Variants in WDR6 observed in about 807,000 individuals in gnomAD.
WDR6 encodes the protein WD repeat domain 6.
Under a neutral mutation model 85.6 loss-of-function variants are expected in WDR6, and 58 were observed. That is an observed-to-expected ratio of 0.68 (90% confidence interval 0.55 to 0.84). The LOEUF is 0.84. Among genes scored for constraint, WDR6 ranks in the 40% least tolerant of loss-of-function variants. The probability of loss-of-function intolerance (pLI) is 0.00; values close to 1 mark genes in which losing one functional copy is unlikely to be tolerated. For missense variants in WDR6, 1,310 were observed against 1,476.4 expected (o/e 0.89, Z 1.85); for synonymous variants, 569 against 582.2 (o/e 0.98, Z 0.33).
At position 49,013,991 on chromosome 3, in the gene WDR6, T is replaced by C. The variant is rs1383208897; in HGVS notation, c.2457T>C (p.Thr819=). 6.2e-7 allele frequency: 1 copy of C among 1,611,590 alleles called. No homozygotes were observed. Residue 819 remains threonine (T), a synonymous_variant, in exon 2 of 6, where the codon ACT becomes ACC. Coordinates refer to ENST00000608424, the MANE Select transcript of WDR6 (RefSeq NM_018031.6). This position sits in a 1 kb window ranked among gnomAD's most constrained non-coding sequence, Gnocchi z 4.6. The part of the protein sequence containing the change: ...AEMHCFSIMV[T]PDPSTPSRLA... ...TGCACTGCTTCAGCATCATGGTTAC[T>C]CCGGACCCCAGCACCCCAAGCCGCC...
chr3:49,014,202 C>G lies in WDR6; in HGVS notation c.2583-8C>G, dbSNP rs767217579. On this transcript the variant is annotated splice_polypyrimidine_tract_variant and splice_region_variant and intron_variant, in intron 2 of 5. Transcript: ENST00000608424. The surrounding 1 kb of genome is among the most constrained non-coding windows in gnomAD (Gnocchi z 4.9). ...GCTCCACCTGACAGCTGCATGTTGT[C>G]TCTGCAGGTACATGTCCCTTGCTGT... is the stretch of plus-strand genomic sequence containing the variant. 3.7e-6 allele frequency: 6 copies of G among 1,614,154 alleles called. No individual in the cohort carries two copies. The African/African-American group carries it at 5.3e-5, about 14-fold the overall frequency.
Position 49,012,007 on chromosome 3 carries a change from G to C in WDR6, c.473G>C (p.Cys158Ser). 1 of 1,614,210 alleles carries C rather than the reference G, an allele frequency of 6.2e-7. No individual in the cohort carries two copies. The highest frequency in any genetic ancestry group is 8.5e-7 in the Non-Finnish European group (1 of 1,180,038). Residue 158 changes from cysteine to serine, a missense_variant, in exon 2 of 6, where the codon TGC becomes TCC. Transcript: ENST00000608424. This position sits in a 1 kb window ranked among gnomAD's most constrained non-coding sequence, Gnocchi z 4.4. ...ILQEVPCTDR[C>S]TLSSACLIGD... ...CAAGAGGTGCCCTGCACAGACAGGT[G>C]CACCCTCTCTTCAGCCTGCCTGATT...
chr3:49,007,583 C>T lies in WDR6; in HGVS notation c.100+52C>T. On this transcript the variant is annotated intron_variant, in intron 1 of 5. Coordinates refer to ENST00000608424, the MANE Select transcript of WDR6 (RefSeq NM_018031.6). The surrounding 1 kb of genome is among the most constrained non-coding windows in gnomAD (Gnocchi z 5.1). ...GTGGAAAGGGGGAAAGAAACAGCGC[C>T]TCCCAGGGGCGGTGCCACAGGGACA... 6.5e-7 allele frequency: 1 copy of T among 1,537,404 alleles called. No homozygotes were observed. Among genetic ancestry groups the T allele is most frequent in the Non-Finnish European group, 8.8e-7 (1 of 1,134,836 alleles).
chr3:49,007,648 G>A lies in WDR6; in HGVS notation c.100+117G>A. ...AGGAGAAGGACGGGCAGCAGGTTGA[G>A]GCCGATCGGAGGTGGGAAGGGAGCC... On this transcript the variant is annotated intron_variant, in intron 1 of 5. Transcript: ENST00000608424. The surrounding 1 kb of genome is among the most constrained non-coding windows in gnomAD (Gnocchi z 5.1). 7.3e-7 allele frequency: 1 copy of A among 1,373,744 alleles called. No individual in the cohort carries two copies. Among genetic ancestry groups the A allele is most frequent in the Non-Finnish European group, 9.5e-7 (1 of 1,056,998 alleles). 85.1% of individuals were successfully genotyped at this position (1,373,744 alleles called of 1,614,324 possible). A position where few individuals can be genotyped will look rare whatever the true frequency, so the allele number is the denominator to read the frequency against.
At chr3:49,011,286 C>A in intron 1 of WDR6, 1 of 450,450 alleles carries the variant, frequency 2.2e-6, no homozygotes, top group Non-Finnish European at 3.9e-6. Context: ...ACCTTGTTGG[C>A]CAGGCTAGTC....
intron 1 of WDR6, among the ~76,000 whole-genome samples, chr3:49,009,598 A>G (rs2093003937): frequency 6.6e-6 from 1 of 152,150 alleles, no homozygotes; most frequent in African/African-American, 2.4e-5. Flanking sequence ...AGACAGCCGT[A>G]CGTGTCTCCA....
At position 49,015,317 on chromosome 3, in the gene WDR6, C is replaced by T. The variant is rs2106709379; in HGVS notation, c.*29C>T. On this transcript the variant is annotated 3_prime_UTR_variant, in exon 6 of 6. Coordinates refer to ENST00000608424, the MANE Select transcript of WDR6 (RefSeq NM_018031.6). ...ATCCTGCGGTGGCTGGCGTGCTGGG[C>T]ATGGGGCCTGCTCACAGACAGCATG... 4 of 1,597,370 alleles carry T rather than the reference C, an allele frequency of 2.5e-6. No individual in the cohort carries two copies. Among genetic ancestry groups the T allele is most frequent in the Non-Finnish European group, 3.4e-6 (4 of 1,175,362 alleles).
rs991925240 is a variant in WDR6 at position 49,014,654 on chromosome 3, C to T, written c.2838C>T (p.Leu946=). Residue 946 remains leucine (L), a synonymous_variant, in exon 5 of 6, where the codon CTC becomes CTT. Transcript: ENST00000608424. The surrounding 1 kb of genome is among the most constrained non-coding windows in gnomAD (Gnocchi z 4.9). The stretch of plus-strand genomic sequence containing the variant: ...ATGGCAGCCTGGCTTTCTGGGATCT[C>T]ACCACCATGCTAGACCATGACTCCA... ...ATDGSLAFWD[L]TTMLDHDSTV... is the part of the protein sequence containing the mutation. 3.7e-6 allele frequency: 6 copies of T among 1,613,678 alleles called. No homozygotes were observed. The highest frequency in any genetic ancestry group is 2.7e-5 in the African/African-American group (2 of 75,034).
In WDR6 at chr3:49,013,620, C is replaced by T. The variant is rs950785847; in HGVS notation, c.2086C>T (p.Arg696Trp). 2.2e-5 allele frequency: 35 copies of T among 1,613,968 alleles called. No homozygotes were observed. Among genetic ancestry groups the T allele is most frequent in the African/African-American group, 2.7e-5 (2 of 74,884 alleles). ...GGCTRPHVIL[R>W]EGLHGREITC... ...CTGCACCCGGCCACACGTGATTCTC[C>T]GGGAGGGTCTGCATGGCCGTGAGAT... is the stretch of plus-strand genomic sequence containing the variant. The change falls in exon 2 of 6, where the codon CGG becomes TGG. Residue 696 changes from arginine (R) to tryptophan (W), a missense_variant. Physicochemically the swap from Arg to Trp is moderately radical, Grantham distance 101. Coordinates refer to ENST00000608424, the MANE Select transcript of WDR6 (RefSeq NM_018031.6). This position sits in a 1 kb window ranked among gnomAD's most constrained non-coding sequence, Gnocchi z 4.6.
Position 49,013,698 on chromosome 3 carries a change from C to T in WDR6, c.2164C>T (p.Pro722Ser). The change falls in exon 2 of 6, where the codon CCC (proline) becomes TCC (serine). Residue 722 changes from proline to serine, a missense_variant. Transcript: ENST00000608424. This position sits in a 1 kb window ranked among gnomAD's most constrained non-coding sequence, Gnocchi z 4.6. ...TACCCTGGGGCCTGAATATGGAGTG[C>T]CCAGCTTCATGCAGCCTGATGACCT... The part of the protein sequence containing the change: ...TITLGPEYGV[P>S]SFMQPDDLEP... The T allele has an allele frequency of 6.2e-7, 1 of 1,614,048 alleles. No individual in the cohort carries two copies. Among genetic ancestry groups the T allele is most frequent in the Non-Finnish European group, 8.5e-7 (1 of 1,179,960 alleles).
rs746214453 is a variant in WDR6, at chr3:49,013,179, G to C, written c.1645G>C (p.Gly549Arg). 14 of 1,612,206 alleles carry C rather than the reference G, an allele frequency of 8.7e-6. No homozygotes were observed. Among genetic ancestry groups the C allele is most frequent in the Admixed American group, 5.0e-5 (3 of 59,922 alleles). The change falls in exon 2 of 6, where the codon GGG (glycine) becomes CGG (arginine). Residue 549 changes from glycine (G) to arginine (R), a missense_variant. Physicochemically the swap from Gly to Arg is moderately radical, Grantham distance 125 (BLOSUM62 -2). Transcript: ENST00000608424. This position sits in a 1 kb window ranked among gnomAD's most constrained non-coding sequence, Gnocchi z 4.6. ...GAPVVGSGSSGGGNAFTGLGP... is the reference protein window; with the variant it reads ...GAPVVGSGSSRGGNAFTGLGP... ...ACCTGTAGTGGGTAGTGGTAGTAGT[G>C]GGGGTGGGAATGCTTTCACTGGGTT...
chr3:49,015,448 C>T lies in WDR6; in HGVS notation c.*160C>T, dbSNP rs957956123. 1 of 1,427,070 alleles carries T rather than the reference C, an allele frequency of 7.0e-7. No individual in the cohort carries two copies. The highest frequency in any genetic ancestry group is 9.6e-7 in the Non-Finnish European group (1 of 1,038,552). The allele number at this position is 1,427,070 out of a possible 1,614,324, so 88.4% of individuals were successfully genotyped here. On this transcript the variant is annotated 3_prime_UTR_variant, in exon 6 of 6. Transcript: ENST00000608424. ...GCAGGAGCTGAAGGTGAGTGGAGTG[C>T]TGCCAAGAATATGCCCGACTCCCCA...
Position 49,015,181 on chromosome 3 carries a change from C to T in WDR6, c.3259C>T (p.His1087Tyr). ...EPTFMNSTVF[H>Y]VPDVADMDCW... The stretch of plus-strand genomic sequence containing the variant: ...CACCTTCATGAATAGCACTGTGTTC[C>T]ATGTGCCTGATGTGGCTGACATGGA... Residue 1087 changes from histidine (H) to tyrosine (Y), a missense_variant, in exon 6 of 6, where the codon CAT (histidine) becomes TAT (tyrosine). By Grantham distance (83) the His-to-Tyr change is moderately conservative. Coordinates refer to ENST00000608424, the MANE Select transcript of WDR6 (RefSeq NM_018031.6). 1 of 1,613,912 alleles carries T rather than the reference C, an allele frequency of 6.2e-7. No homozygotes were observed. Among genetic ancestry groups the T allele is most frequent in the Non-Finnish European group, 8.5e-7 (1 of 1,180,026 alleles).
chr3:49,013,091 C>A lies in WDR6; in HGVS notation c.1557C>A (p.Pro519=). The change falls in exon 2 of 6, where the codon CCC becomes CCA. Residue 519 remains proline (P), a synonymous_variant. Coordinates refer to ENST00000608424, the MANE Select transcript of WDR6 (RefSeq NM_018031.6). The surrounding 1 kb of genome is among the most constrained non-coding windows in gnomAD (Gnocchi z 4.6). ...GDRRGSVLLF[P]SRPGLLKDPG... ...GCCGGGGCTCTGTGCTGCTATTCCC[C>A]TCCAGACCAGGTCTGCTCAAGGACC... The A allele has an allele frequency of 6.2e-7, 1 of 1,610,306 alleles. No homozygotes were observed.
At position 49,011,724 on chromosome 3, in the gene WDR6, C is replaced by T. The variant is rs2106693013; in HGVS notation, c.190C>T (p.Leu64Phe). ...AGTGCAGAACCTGCTTGGCCACTAT[C>T]TTATCCATGGCTTCCGGGTACGGCC... The part of the protein sequence containing the change: ...KRVQNLLGHY[L>F]IHGFRVRPEP... Residue 64 changes from leucine to phenylalanine, a missense_variant, in exon 2 of 6, where the codon CTT (leucine) becomes TTT (phenylalanine). Coordinates refer to ENST00000608424, the MANE Select transcript of WDR6 (RefSeq NM_018031.6). 1 of 1,614,214 alleles carries T rather than the reference C, an allele frequency of 6.2e-7. No individual in the cohort carries two copies. The highest frequency in any genetic ancestry group is 8.5e-7 in the Non-Finnish European group (1 of 1,180,040).
Position 49,015,762 on chromosome 3 carries a change from A to C in WDR6, c.*474A>C. 6.2e-7 allele frequency: 1 copy of C among 1,614,018 alleles called. No homozygotes were observed. The highest frequency in any genetic ancestry group is 8.5e-7 in the Non-Finnish European group (1 of 1,179,984). Reference sequence around the variant, plus strand: ...CCTCTGCTTCCTTTGCCTTTACCCTATACCTCTCTGCACGTCCCACCCCAT... The same window carrying C: ...CCTCTGCTTCCTTTGCCTTTACCCTCTACCTCTCTGCACGTCCCACCCCAT... On this transcript the variant is annotated 3_prime_UTR_variant, in exon 6 of 6. Coordinates refer to ENST00000608424, the MANE Select transcript of WDR6 (RefSeq NM_018031.6).
intron 1 of WDR6, among the ~76,000 whole-genome samples, chr3:49,010,950 G>C (rs1472268919): frequency 6.6e-6 from 1 of 151,094 alleles, no homozygotes; most frequent in Non-Finnish European, 1.5e-5. Context: ...CCAGGAGATG[G>C]AGGTTGCAGT....
In WDR6 at chr3:49,014,027, T is replaced by G; in HGVS notation, c.2493T>G (p.His831Gln). The G allele has an allele frequency of 6.2e-7, 1 of 1,612,378 alleles. No homozygotes were observed. Among genetic ancestry groups the G allele is most frequent in the Non-Finnish European group, 8.5e-7 (1 of 1,179,988 alleles). Residue 831 changes from histidine (H) to glutamine (Q), a missense_variant, in exon 2 of 6, where the codon CAT becomes CAG. His to Gln is a conservative substitution (Grantham distance 24). Transcript: ENST00000608424. The surrounding 1 kb of genome is among the most constrained non-coding windows in gnomAD (Gnocchi z 4.9). ...DPSTPSRLACHVMHLSSHRLD... is the reference protein window; with the variant it reads ...DPSTPSRLACQVMHLSSHRLD... ...GCACCCCAAGCCGCCTCGCCTGCCA[T>G]GTCATGCACCTTTCGTCCCACCGGC... is the stretch of plus-strand genomic sequence containing the variant.
intron 1 of WDR6, chr3:49,011,210 G>C: frequency 2.5e-6 from 1 of 404,518 alleles, no homozygotes; most frequent in East Asian, 7.1e-5. Flanking sequence ...TCAGCCTCCT[G>C]AGTAGCTGGG....
Sources: gnomAD v4.1 joint callset for allele counts (sites outside exome capture counted in the v4.1 genomes callset) on GRCh38, gnomAD v4.1.1 for gene constraint, Gnocchi (gnomAD v3.1) non-coding constraint, MANE v1.5 for transcripts, NCBI Gene and HGNC (gene_info 2026-07-23, HGNC 2026-07-21) for gene names.